Variants in RABGAP1L observed in about 807,000 individuals in gnomAD.
The protein encoded by RABGAP1L is RAB GTPase activating protein 1 like, also known as rab GTPase-activating protein 1-like.
In RABGAP1L, 63 loss-of-function variants were observed where a neutral mutation model predicts 137.7. The ratio of observed to expected loss-of-function variants is 0.46; its 90% CI spans 0.37 to 0.56. The LOEUF (loss-of-function observed/expected upper bound fraction) is 0.56. Ranked by LOEUF, RABGAP1L falls within the 20% of genes least tolerant of loss-of-function variation. The pLI, the probability that RABGAP1L is intolerant of heterozygous loss-of-function variation, is 0.00. For synonymous variants in RABGAP1L, 431 were observed against 433.7 expected (o/e 0.99, Z 0.08); for missense variants, 1,095 against 1,244.0 (o/e 0.88, Z 1.80).
chr1:174,218,776 TATC>T (rs1669534670), intron 1 of RABGAP1L, among the ~76,000 whole-genome samples: 1 of 152,166 alleles, frequency 6.6e-6, no homozygotes, highest in African/African-American at 2.4e-5. Flanking sequence ...GTATTTCTAG[TATC>T]ATTTAATTAT....
Position 174,252,615 on chromosome 1 carries a change from A to G in RABGAP1L, c.986+25A>G, listed in dbSNP as rs375183799. Reference sequence around the variant, plus strand: ...GGTAAGCAGCTTGCTCCTAAATGCTACCAAAAACTTGTATTGACATTGTTA... The same window carrying G: ...GGTAAGCAGCTTGCTCCTAAATGCTGCCAAAAACTTGTATTGACATTGTTA... On this transcript the variant is annotated intron_variant, in intron 7 of 25. Transcript: ENST00000681986. 3.1e-6 allele frequency: 5 copies of G among 1,598,636 alleles called. No individual in the cohort carries two copies. In the African/African-American group the frequency reaches 6.8e-5, roughly 22 times the overall value.
At chr1:174,390,104 G>A (rs1353436967) in intron 12 of RABGAP1L, among the ~76,000 whole-genome samples, 1 of 152,062 alleles carries the variant, frequency 6.6e-6, no homozygotes, top group African/African-American at 2.4e-5. Flanking sequence ...GCAGCATCTA[G>A]CTTAATATTT....
chr1:174,646,620 A>G (rs1674989088), intron 14 of RABGAP1L, among the ~76,000 whole-genome samples: 1 of 152,126 alleles, frequency 6.6e-6, no homozygotes, highest in African/African-American at 2.4e-5. Context: ...GTAGCCTTGT[A>G]TTATAGTTTG....
chr1:174,630,639 G>T, intron 13 of RABGAP1L, among the ~76,000 whole-genome samples: 1 of 117,240 alleles, frequency 8.5e-6, no homozygotes, highest in African/African-American at 3.6e-5. Flanking sequence ...ATGTGTCGAG[G>T]AATGTATCCA....
At chr1:174,435,975 G>A (rs1360355049) in intron 13 of RABGAP1L, among the ~76,000 whole-genome samples, 24 of 152,064 alleles carry the variant, frequency 1.6e-4, no homozygotes, top group Admixed American at 1.6e-3. Flanking sequence ...TCCCTACAAA[G>A]GACATGAACT....
At chr1:174,802,006 T>A (rs1688803420) in intron 18 of RABGAP1L, among the ~76,000 whole-genome samples, 3 of 152,242 alleles carry the variant, frequency 2.0e-5, no homozygotes, top group Admixed American at 6.5e-5. Flanking sequence ...ATTTACATTT[T>A]CAGTGTTTTG....
At chr1:174,712,024 A>G (rs1680565192) in intron 17 of RABGAP1L, among the ~76,000 whole-genome samples, 1 of 152,092 alleles carries the variant, frequency 6.6e-6, no homozygotes, top group African/African-American at 2.4e-5. Context: ...TGTCTAGCTA[A>G]AGGATTGTAT....
chr1:174,563,982 GCCTT>G (rs956980922), intron 13 of RABGAP1L, among the ~76,000 whole-genome samples: 1 of 152,048 alleles, frequency 6.6e-6, no homozygotes, highest in Admixed American at 6.6e-5. Flanking sequence ...TACTTTCAAT[GCCTT>G]CCCTGGGATG....
At chr1:174,246,325 A>G (rs1558066761) in intron 5 of RABGAP1L, 1 of 152,160 alleles carries the variant, frequency 6.6e-6, no homozygotes, top group Non-Finnish European at 1.5e-5. Flanking sequence ...TTATCAATAA[A>G]CCTTTTCCTT....
At chr1:174,278,505 G>A (rs551262173) in intron 9 of RABGAP1L, 108 bp from the exon 10 acceptor site, 4 of 787,806 alleles carry the variant, frequency 5.1e-6, no homozygotes, top group African/African-American at 3.6e-5. Flanking sequence ...AACATAGAAG[G>A]TATTACAATT....
chr1:174,911,721 T>A (rs530965422), intron 19 of RABGAP1L, among the ~76,000 whole-genome samples: 1 of 152,336 alleles, frequency 6.6e-6, no homozygotes, highest in Admixed American at 6.5e-5. Context: ...GACTGAGCAG[T>A]AGGAGGTGCT....
chr1:174,541,626 A>G (rs1352606281), intron 13 of RABGAP1L, among the ~76,000 whole-genome samples: 1 of 152,064 alleles, frequency 6.6e-6, no homozygotes, highest in East Asian at 1.9e-4. Context: ...AATACAAAAA[A>G]TTAGCCAGGC....
intron 1 of RABGAP1L, among the ~76,000 whole-genome samples, chr1:174,187,504 G>A (rs1181324458): frequency 6.6e-6 from 1 of 151,972 alleles, no homozygotes; most frequent in African/African-American, 2.4e-5. Flanking sequence ...TTAGTAAAAT[G>A]CCACTTAGTC....
At chr1:174,426,851 CTA>C (rs1374318481) in intron 13 of RABGAP1L, among the ~76,000 whole-genome samples, 1 of 151,978 alleles carries the variant, frequency 6.6e-6, no homozygotes, top group African/African-American at 2.4e-5. Flanking sequence ...TGCTGTGAGT[CTA>C]TTTTATGCTG....
At chr1:174,170,274 T>C (rs1665246214) in intron 1 of RABGAP1L, among the ~76,000 whole-genome samples, 3 of 152,058 alleles carry the variant, frequency 2.0e-5, no homozygotes. Context: ...CATAAGAAAA[T>C]GTACATTATC....
At chr1:174,874,312 T>C (rs1163529193) in intron 19 of RABGAP1L, 1 of 190,278 alleles carries the variant, frequency 5.3e-6, no homozygotes, top group Non-Finnish European at 9.7e-6. Flanking sequence ...TTTGACTTTC[T>C]ATACCCATGT....
chr1:174,800,093 C>T, intron 18 of RABGAP1L: 2 of 1,312,784 alleles, frequency 1.5e-6, no homozygotes, highest in Non-Finnish European at 1.9e-6. Flanking sequence ...TTGCTTTTGC[C>T]GTTTTTTATT....
At chr1:174,958,994 A>T (rs931928078) in intron 20 of RABGAP1L, among the ~76,000 whole-genome samples, 1 of 152,212 alleles carries the variant, frequency 6.6e-6, no homozygotes. Flanking sequence ...AGATTATGCA[A>T]TTATTACTAG....
chr1:174,256,526 T>TA (rs1673140000), intron 7 of RABGAP1L, among the ~76,000 whole-genome samples: 1 of 152,220 alleles, frequency 6.6e-6, no homozygotes, highest in African/African-American at 2.4e-5. Flanking sequence ...CTCACGCCTG[T>TA]AATCCCAGCA....
Sources: allele counts gnomAD v4.1 joint callset (sites outside exome capture counted in the v4.1 genomes callset), GRCh38; gene constraint gnomAD v4.1.1; transcripts MANE v1.5; gene names NCBI Gene and HGNC (gene_info 2026-07-23, HGNC 2026-07-21).